ENTPD1: variants seen among roughly 807,000 people sequenced by gnomAD.
The protein encoded by ENTPD1 is ATP diphosphohydrolase.
Under a neutral mutation model 57.0 loss-of-function variants are expected in ENTPD1, and 33 were observed. The ratio of observed to expected loss-of-function variants is 0.58; its 90% CI spans 0.44 to 0.77. The LOEUF is 0.77. Ranked by LOEUF, ENTPD1 falls within the 30% of genes least tolerant of loss-of-function variation. The pLI, the probability that ENTPD1 is intolerant of heterozygous loss-of-function variation, is 0.00. For synonymous variants in ENTPD1, 202 were observed against 218.8 expected, an observed-to-expected ratio of 0.92 and a Z score of 0.68; for missense variants, 501 against 603.4, an observed-to-expected ratio of 0.83 and a Z score of 1.78.
At chr10:95,833,232 A>G (rs2098401574) in intron 2 of ENTPD1, among the ~76,000 whole-genome samples, 1 of 152,258 alleles carries the variant, frequency 6.6e-6, no homozygotes, top group South Asian at 2.1e-4. Flanking sequence ...AATATCCTTA[A>G]TACCACAAAA....
At chr10:95,863,205 G>A (rs1681591906) in intron 8 of ENTPD1, among the ~76,000 whole-genome samples, 1 of 152,180 alleles carries the variant, frequency 6.6e-6, no homozygotes, top group Non-Finnish European at 1.5e-5. Flanking sequence ...AGGGGAATAG[G>A]AGTATTAAAG....
rs1037953550 is a variant in ENTPD1, at chr10:95,853,565, G to A, written c.1074+5859G>A. ...CCCATTCAGTATGATATTGGCTGTG[G>A]GTTTGTCATAGATAGCTCTTATTAT... On this transcript the variant is annotated intron_variant, in intron 7 of 9. Coordinates refer to ENST00000371205, the MANE Select transcript of ENTPD1 (RefSeq NM_001776.6). Among the ~76,000 whole-genome samples, 3 of 152,114 alleles carry A rather than the reference G, an allele frequency of 2.0e-5. No individual in the cohort carries two copies. In the East Asian group the frequency reaches 5.8e-4, roughly 29 times the overall value.
rs901417578 is a variant in ENTPD1, at chr10:95,871,719, C to A, written c.*5336C>A. On this transcript the variant is annotated 3_prime_UTR_variant, in exon 10 of 10. Coordinates refer to ENST00000371205, the MANE Select transcript of ENTPD1 (RefSeq NM_001776.6). ...AAATTGACACTATAATCAACTGACA[C>A]CATGATCAGTGATGATGATCACCCT... 4.1e-6 allele frequency: 4 copies of A among 985,222 alleles called. No homozygotes were observed. The highest frequency in any genetic ancestry group is 4.8e-6 in the Non-Finnish European group (4 of 829,856). 61.0% of individuals were successfully genotyped at this position (985,222 alleles called of 1,614,324 possible).
chr10:95,844,366 G>C, intron 4 of ENTPD1, 110 bp from the exon 5 acceptor site: 1 of 1,443,212 alleles, frequency 6.9e-7, no homozygotes, highest in Non-Finnish European at 9.7e-7. Context: ...TTTATTCCAG[G>C]GCATTATGGT....
chr10:95,815,604 G>A (rs1286045308), intron 1 of ENTPD1, among the ~76,000 whole-genome samples: 1 of 152,182 alleles, frequency 6.6e-6, no homozygotes. Context: ...TAGGGTGCTG[G>A]TTAAAAGCCT....
At chr10:95,709,066 G>A (rs2097963630), upstream of ENTPD1, among the ~76,000 whole-genome samples, 1 of 152,100 alleles carries the variant, frequency 6.6e-6, no homozygotes. Flanking sequence ...AGATGAAGTT[G>A]TAGGTTATGC....
rs2098138727 is a variant in ENTPD1 at position 95,777,564 on chromosome 10, C to T, written c.16+21309C>T. Among the ~76,000 whole-genome samples, 4 of 152,338 alleles carry T rather than the reference C, an allele frequency of 2.6e-5. No individual in the cohort carries two copies. In the South Asian group the frequency reaches 8.3e-4, roughly 32 times the overall value. ...GGTGCCCGCCTGTATGAAGAGTCAG[C>T]TGGCCCCTACTGGGAGGTGTCTCCC... On this transcript the variant is annotated intron_variant, in intron 1 of 9. Transcript: ENST00000371205.
upstream of ENTPD1, among the ~76,000 whole-genome samples, chr10:95,751,577 T>C (rs564328239): frequency 6.6e-6 from 1 of 152,226 alleles, no homozygotes; most frequent in African/African-American, 2.4e-5. Flanking sequence ...TAGCCAGGCA[T>C]GGTGGTGTGC....
At chr10:95,847,337 T>TA in intron 6 of ENTPD1, 109 bp from the exon 7 acceptor site, 2 of 1,318,704 alleles carry the variant, frequency 1.5e-6, no homozygotes, top group Non-Finnish European at 2.2e-6. Context: ...TTGATTCCAA[T>TA]ACCAAGTGGT....
At chr10:95,804,165 AG>A (rs2098262586) in intron 1 of ENTPD1, among the ~76,000 whole-genome samples, 1 of 152,212 alleles carries the variant, frequency 6.6e-6, no homozygotes, top group Admixed American at 6.5e-5. Context: ...CTTCTTGCTT[AG>A]GATTGTCTTG....
At chr10:95,770,129 T>G (rs2098109405) in intron 1 of ENTPD1, among the ~76,000 whole-genome samples, 1 of 143,262 alleles carries the variant, frequency 7.0e-6, no homozygotes, top group Non-Finnish European at 1.5e-5. Context: ...GGTAAGTGAG[T>G]GTAACTAGAA....
At chr10:95,793,654 G>A (rs534918967) in intron 1 of ENTPD1, among the ~76,000 whole-genome samples, 78 of 152,286 alleles carry the variant, frequency 5.1e-4, no homozygotes, top group Non-Finnish European at 8.4e-4. Context: ...TGAGGATGGG[G>A]TCAAGCAGTT....
intron 1 of ENTPD1, among the ~76,000 whole-genome samples, chr10:95,821,963 A>C (rs1472029051): frequency 6.7e-6 from 1 of 149,820 alleles, no homozygotes; most frequent in Non-Finnish European, 1.5e-5. Flanking sequence ...TCCTCTATGC[A>C]ATCTGTTTAC....
intron 1 of ENTPD1, among the ~76,000 whole-genome samples, chr10:95,813,777 T>C (rs11188498): frequency 0.016 from 2,440 of 152,324 alleles, 28 homozygotes; most frequent in Non-Finnish European, 0.027. Context: ...AACCTCTAAA[T>C]TTTGTACCTC....
intron 1 of ENTPD1, among the ~76,000 whole-genome samples, chr10:95,806,308 C>T (rs978185615): frequency 3.5e-4 from 53 of 152,212 alleles, no homozygotes; most frequent in Admixed American, 2.6e-3. Flanking sequence ...GTGCATGTGT[C>T]ACATAGTTCT....
the ENTPD1 span, among the ~76,000 whole-genome samples, chr10:95,696,044 G>T: frequency 6.6e-6 from 1 of 152,076 alleles, no homozygotes; most frequent in East Asian, 1.9e-4. Context: ...CTCTCAAATA[G>T]TGTTAAATTA....
At chr10:95,726,230 T>C (rs1455594258) in intron 1 of ENTPD1, among the ~76,000 whole-genome samples, 1 of 152,246 alleles carries the variant, frequency 6.6e-6, no homozygotes, top group Non-Finnish European at 1.5e-5. Flanking sequence ...CCCTCTTCTA[T>C]TTATAATGTT....
rs1270432690 is a variant in ENTPD1 at position 95,867,220 on chromosome 10, CATAAAT to C, written c.*842_*847del. The C allele has an allele frequency of 2.5e-5, 24 of 978,636 alleles. No homozygotes were observed. The highest frequency in any genetic ancestry group is 2.8e-5 in the Non-Finnish European group (23 of 823,852). The allele number at this position is 978,636 out of a possible 1,614,324, so 60.6% of individuals were successfully genotyped here. ...CATATTTTTATTATGGTAAAATATA[CATAAAT>C]ATAATTCACCATTTTAACATTTAAT... is the stretch of plus-strand genomic sequence containing the variant. On this transcript the variant is annotated 3_prime_UTR_variant, in exon 10 of 10. Coordinates refer to ENST00000371205, the MANE Select transcript of ENTPD1 (RefSeq NM_001776.6).
chr10:95,834,976 T>G (rs1226968080), intron 2 of ENTPD1, among the ~76,000 whole-genome samples: 1 of 152,176 alleles, frequency 6.6e-6, no homozygotes, highest in African/African-American at 2.4e-5. Context: ...GGGGCACATG[T>G]GCATATTTGT....
Sources: gnomAD v4.1 joint callset for allele counts (sites outside exome capture counted in the v4.1 genomes callset) on GRCh38, gnomAD v4.1.1 for gene constraint, MANE v1.5 for transcripts, NCBI Gene and HGNC (gene_info 2026-07-23, HGNC 2026-07-21) for gene names.